Variants in RFC4 observed in about 807,000 individuals in gnomAD.
RFC4 encodes replication factor C subunit 4, also known as A1 37 kDa subunit.
In RFC4, 38 loss-of-function variants were observed where a neutral mutation model predicts 47.6. The ratio of observed to expected loss-of-function variants is 0.80; its 90% CI spans 0.62 to 1.05. The LOEUF is 1.05. Among genes scored for constraint, RFC4 ranks in the 50% least tolerant of loss-of-function variants. RFC4 has a pLI of 0.00. For synonymous variants in RFC4, 164 were observed against 150.0 expected, an observed-to-expected ratio of 1.09 and a Z score of -0.68; for missense variants, 489 against 434.0, an observed-to-expected ratio of 1.13 and a Z score of -1.13.
chr3:186,804,232 A>G (rs1322811005), intron 2 of RFC4, among the ~76,000 whole-genome samples: 2 of 152,166 alleles, frequency 1.3e-5, no homozygotes, highest in African/African-American at 2.4e-5. Flanking sequence ...TAATGAGAAG[A>G]AGGAGGAACA....
At position 186,797,679 on chromosome 3, in the gene RFC4, CG is replaced by C. The variant is rs1300013718; in HGVS notation, c.211-66del. 89 of 1,145,626 alleles carry C rather than the reference CG, an allele frequency of 7.8e-5. No individual in the cohort carries two copies. The African/African-American group carries it at 1.2e-3, about 15-fold the overall frequency. The allele number at this position is 1,145,626 out of a possible 1,614,324, so 71.0% of individuals were successfully genotyped here. On this transcript the variant is annotated intron_variant, in intron 3 of 10. Transcript: ENST00000296273. Reference sequence around the variant, plus strand: ...GGCACAAATAGATGAAAAGGAAGATCGAAAAAAATGTCTGTGGAATAGTGCA... The same window carrying C: ...GGCACAAATAGATGAAAAGGAAGATCAAAAAAATGTCTGTGGAATAGTGCA...
intron 2 of RFC4, among the ~76,000 whole-genome samples, chr3:186,803,410 G>A (rs980836882): frequency 3.9e-5 from 6 of 152,050 alleles, no homozygotes; most frequent in African/African-American, 1.4e-4. Context: ...GGCCTTACTC[G>A]GCCTATAAGT....
intron 4 of RFC4, among the ~76,000 whole-genome samples, chr3:186,797,312 C>G (rs2108470661): frequency 6.6e-6 from 1 of 152,308 alleles, no homozygotes; most frequent in Middle Eastern, 3.4e-3. Context: ...AGGCTCCCCA[C>G]ACTTGAACAA....
rs1722243008 is a variant in RFC4 at position 186,796,274 on chromosome 3, T to C, written c.290+1261A>G. Reference sequence around the variant, plus strand: ...AAAAGTTGTATAATCTGGACTGACCTACTCTAAGTAATAATAAACAACTGT... The same window carrying C: ...AAAAGTTGTATAATCTGGACTGACCCACTCTAAGTAATAATAAACAACTGT... On this transcript the variant is annotated intron_variant, in intron 4 of 10. Transcript: ENST00000296273. The surrounding 1 kb of genome is among the most constrained non-coding windows in gnomAD (Gnocchi z 4.2). Among the ~76,000 whole-genome samples, 1 of 152,248 alleles carries C rather than the reference T, an allele frequency of 6.6e-6. No homozygotes were observed. The highest frequency in any genetic ancestry group is 2.4e-5 in the African/African-American group (1 of 41,462).
At chr3:186,801,052 AG>A in intron 3 of RFC4, 64 bp downstream of exon 3, 1 of 1,192,414 alleles carries the variant, frequency 8.4e-7, no homozygotes, top group Non-Finnish European at 1.3e-6. Flanking sequence ...TTATAAAGGA[AG>A]AAAGAGGGTG....
At chr3:186,799,737 A>G (rs1722313592) in intron 3 of RFC4, among the ~76,000 whole-genome samples, 1 of 152,022 alleles carries the variant, frequency 6.6e-6, no homozygotes, top group South Asian at 2.1e-4. Context: ...ACAAAAAAAC[A>G]AAAGAACTGG....
chr3:186,800,337 C>T (rs1722327074), intron 3 of RFC4, among the ~76,000 whole-genome samples: 1 of 152,172 alleles, frequency 6.6e-6, no homozygotes, highest in African/African-American at 2.4e-5. Context: ...ATAAATTTAA[C>T]TTCTTTCAAA....
intron 3 of RFC4, among the ~76,000 whole-genome samples, chr3:186,799,131 T>C (rs1722301706): frequency 6.6e-6 from 1 of 152,202 alleles, no homozygotes; most frequent in African/African-American, 2.4e-5. Flanking sequence ...TCATCCAGGT[T>C]AACTATCAGA....
chr3:186,797,476 A>G lies in RFC4; in HGVS notation c.290+59T>C, dbSNP rs796867703. On this transcript the variant is annotated intron_variant, in intron 4 of 10. Coordinates refer to ENST00000296273, the MANE Select transcript of RFC4 (RefSeq NM_002916.5). ...AAATTTTTAGAGGAAAAAAAGCAAT[A>G]TCAGAGAATTTTGGTGTCAAATCTT... is the stretch of plus-strand genomic sequence containing the variant. 7.3e-6 allele frequency: 8 copies of G among 1,100,734 alleles called. No homozygotes were observed. The African/African-American group carries it at 1.3e-4, about 17-fold the overall frequency. The allele number at this position is 1,100,734 out of a possible 1,614,324, so 68.2% of individuals were successfully genotyped here. A position where few individuals can be genotyped will look rare whatever the true frequency, so the allele number is the denominator to read the frequency against.
intron 8 of RFC4, among the ~76,000 whole-genome samples, 191 bp from the exon 9 acceptor site, chr3:186,790,597 C>G (rs1016478923): frequency 6.6e-6 from 1 of 152,204 alleles, no homozygotes. Flanking sequence ...GTGCTAACAA[C>G]TGTGCTTTTA....
chr3:186,805,528 C>G (rs1722459800), intron 1 of RFC4: 1 of 152,108 alleles, frequency 6.6e-6, no homozygotes, highest in South Asian at 2.1e-4. Context: ...GGCCAGGGAC[C>G]TATTTTCATG....
Position 186,800,999 on chromosome 3 carries a change from G to A in RFC4, c.210+118C>T, listed in dbSNP as rs1169866035. ...TATCATTGTACAAATAGTTATCAAG[G>A]ACCTACTGTACACAGAGCAAGATAT... On this transcript the variant is annotated intron_variant, in intron 3 of 10. Coordinates refer to ENST00000296273, the MANE Select transcript of RFC4 (RefSeq NM_002916.5). 4.2e-6 allele frequency: 3 copies of A among 707,346 alleles called. No individual in the cohort carries two copies. The East Asian group carries it at 7.5e-5, about 18-fold the overall frequency. The allele number at this position is 707,346 out of a possible 1,614,324, so 43.8% of individuals were successfully genotyped here.
intron 8 of RFC4, 182 bp downstream of exon 8, chr3:186,791,543 C>CA (rs1178284378): frequency 4.8e-6 from 3 of 629,984 alleles, no homozygotes; most frequent in Middle Eastern, 2.5e-4. Context: ...ACATGCCTGA[C>CA]AAACTGAAAA....
In RFC4 at chr3:186,793,452, T is replaced by C. The variant is rs1305905695; in HGVS notation, c.411-505A>G. Among the ~76,000 whole-genome samples the C allele has an allele frequency of 1.3e-5, 2 of 152,244 alleles. No individual in the cohort carries two copies. Among genetic ancestry groups the C allele is most frequent in the Non-Finnish European group, 2.9e-5 (2 of 68,046 alleles). ...TTTTGGCTATTAAGAATAATGCTGC[T>C]GTGAACATTTGTGTACATGTTTTTG... On this transcript the variant is annotated intron_variant, in intron 5 of 10. Coordinates refer to ENST00000296273, the MANE Select transcript of RFC4 (RefSeq NM_002916.5). The surrounding 1 kb of genome is among the most constrained non-coding windows in gnomAD (Gnocchi z 4.2).
At chr3:186,792,264 TCA>T (rs1415357737) in intron 7 of RFC4, among the ~76,000 whole-genome samples, 3 of 152,176 alleles carry the variant, frequency 2.0e-5, no homozygotes, top group Non-Finnish European at 4.4e-5. Flanking sequence ...GAAATCCACC[TCA>T]GTTTCGGGTC....
chr3:186,789,945 A>T lies in RFC4; in HGVS notation c.*24T>A. 7.1e-7 allele frequency: 1 copy of T among 1,400,432 alleles called. No individual in the cohort carries two copies. Among genetic ancestry groups the T allele is most frequent in the Admixed American group, 1.8e-5 (1 of 55,316 alleles). 86.8% of individuals were successfully genotyped at this position (1,400,432 alleles called of 1,614,324 possible). A position where few individuals can be genotyped will look rare whatever the true frequency, so the allele number is the denominator to read the frequency against. On this transcript the variant is annotated 3_prime_UTR_variant, in exon 11 of 11. Transcript: ENST00000296273. ...TTATTACAACTTCATTATTTACAAA[A>T]CCCCCCATCCAGATATATTCACGTT...
At chr3:186,797,486 T>G in intron 4 of RFC4, 49 bp downstream of exon 4, 1 of 1,208,862 alleles carries the variant, frequency 8.3e-7, no homozygotes, top group Non-Finnish European at 1.2e-6. Flanking sequence ...ATCAGAGAAT[T>G]TTGGTGTCAA....
At chr3:186,791,476 A>C (rs1477868392) in intron 8 of RFC4, 2 of 448,154 alleles carry the variant, frequency 4.5e-6, no homozygotes, top group African/African-American at 2.0e-5. Flanking sequence ...TCTCAAAAAA[A>C]AAAAAACAAA....
At position 186,797,409 on chromosome 3, in the gene RFC4, A is replaced by T. The variant is rs559639253; in HGVS notation, c.290+126T>A. On this transcript the variant is annotated intron_variant, in intron 4 of 10. Transcript: ENST00000296273. ...GAACAAAATGGCTCATGGGATTTTT[A>T]AAAATCAGAAATAGAAAACTATCCT... 3.8e-5 allele frequency: 24 copies of T among 637,882 alleles called. No homozygotes were observed. The South Asian group carries it at 5.4e-4, about 14-fold the overall frequency. 39.5% of individuals were successfully genotyped at this position (637,882 alleles called of 1,614,324 possible). A position where few individuals can be genotyped will look rare whatever the true frequency, so the allele number is the denominator to read the frequency against.
Sources: gnomAD v4.1 joint callset for allele counts (sites outside exome capture counted in the v4.1 genomes callset) on GRCh38, gnomAD v4.1.1 for gene constraint, Gnocchi (gnomAD v3.1) non-coding constraint, MANE v1.5 for transcripts, NCBI Gene and HGNC (gene_info 2026-07-23, HGNC 2026-07-21) for gene names.